The following OTUD7A variants were observed in gnomAD, a reference collection of about 807,000 sequenced individuals.
OTUD7A encodes OTU domain-containing protein 7A.
In OTUD7A, 12 loss-of-function variants were observed where a neutral mutation model predicts 65.7. The ratio of observed to expected loss-of-function variants is 0.18; its 90% CI spans 0.12 to 0.30. The LOEUF (loss-of-function observed/expected upper bound fraction) is 0.30. Ranked by LOEUF, OTUD7A falls within the 10% of genes least tolerant of loss-of-function variation. The pLI is 1.00. For synonymous variants in OTUD7A, 641 were observed against 586.3 expected, an observed-to-expected ratio of 1.09 and a Z score of -1.35; for missense variants, 1,148 against 1,304.8, an observed-to-expected ratio of 0.88 and a Z score of 1.85.
At chr15:31,738,531 G>C (rs1259325848) in intron 1 of OTUD7A, among the ~76,000 whole-genome samples, 2 of 152,162 alleles carry the variant, frequency 1.3e-5, no homozygotes, top group Non-Finnish European at 2.9e-5. Context: ...TTCTGATAGA[G>C]CATGACAGTG....
At chr15:31,730,908 T>C (rs2141360813) in intron 1 of OTUD7A, among the ~76,000 whole-genome samples, 1 of 152,328 alleles carries the variant, frequency 6.6e-6, no homozygotes, top group Non-Finnish European at 1.5e-5. Context: ...ACTGCATGCT[T>C]TCTCCCTGGA....
chr15:31,659,076 TAAATA>T lies in OTUD7A; in HGVS notation c.-99-2004_-99-2000del, dbSNP rs137879176. ...ATAAATAAATAAATAAATAAATAAA[TAAATA>T]AAATAAAATTAAAACTTCTGTTTCA... On this transcript the variant is annotated intron_variant, in intron 1 of 12. Coordinates refer to ENST00000307050, the MANE Select transcript of OTUD7A (RefSeq NM_001382637.1). 3.0e-4 allele frequency among the ~76,000 whole-genome samples: 39 copies of T among 131,860 alleles called. 1 individual carries two copies. Among genetic ancestry groups the T allele is most frequent in the African/African-American group, 3.2e-4 (11 of 34,620 alleles). 86.5% of individuals were successfully genotyped at this position (131,860 alleles called of 152,430 possible). A position where few individuals can be genotyped will look rare whatever the true frequency, so the allele number is the denominator to read the frequency against.
intron 3 of OTUD7A, among the ~76,000 whole-genome samples, chr15:31,604,586 A>G (rs887316903): frequency 3.3e-5 from 5 of 152,234 alleles, no homozygotes; most frequent in African/African-American, 1.2e-4. Flanking sequence ...CATGTACCCC[A>G]GAGCTTAAAG....
intron 3 of OTUD7A, among the ~76,000 whole-genome samples, chr15:31,653,255 CAAA>C (rs113670546): frequency 1.6e-5 from 2 of 122,870 alleles, no homozygotes; most frequent in Admixed American, 1.6e-4. Context: ...TCTGTGTCAC[CAAA>C]AAAAAAAAAG....
At chr15:31,848,276 T>A (rs144770065) in intron 1 of OTUD7A, among the ~76,000 whole-genome samples, 4 of 151,982 alleles carry the variant, frequency 2.6e-5, no homozygotes, top group Non-Finnish European at 5.9e-5. Flanking sequence ...AAGGCCCTGC[T>A]GGGCACGCAG....
At chr15:31,852,624 C>T (rs571168838) in intron 1 of OTUD7A, among the ~76,000 whole-genome samples, 10 of 152,314 alleles carry the variant, frequency 6.6e-5, no homozygotes, top group African/African-American at 7.2e-5. Flanking sequence ...CAGACATTTA[C>T]GAAGACAGCT....
intron 3 of OTUD7A, among the ~76,000 whole-genome samples, chr15:31,619,978 G>C (rs1203019655): frequency 2.6e-5 from 4 of 152,154 alleles, no homozygotes; most frequent in South Asian, 2.1e-4. Flanking sequence ...TAGCATCAAG[G>C]GTTGTTGAAT....
intron 1 of OTUD7A, among the ~76,000 whole-genome samples, chr15:31,834,263 G>T (rs1382609030): frequency 6.6e-6 from 1 of 152,148 alleles, no homozygotes; most frequent in African/African-American, 2.4e-5. Flanking sequence ...TCTGCCAACT[G>T]CCTGGAACAG....
intron 1 of OTUD7A, among the ~76,000 whole-genome samples, chr15:31,701,852 T>C (rs1384670284): frequency 1.3e-5 from 2 of 151,984 alleles, no homozygotes; most frequent in Non-Finnish European, 2.9e-5. Context: ...TGTAAACAAA[T>C]AAAACTATAG....
chr15:31,527,162 C>T lies in OTUD7A; in HGVS notation c.780+19G>A. On this transcript the variant is annotated intron_variant, in intron 7 of 12. Coordinates refer to ENST00000307050, the MANE Select transcript of OTUD7A (RefSeq NM_001382637.1). Reference sequence around the variant, plus strand: ...TCTGGCCTGGGTCCCGGGCTCTGGCCATGCCAGTGGATACCAACCTCCTTA... The same window carrying T: ...TCTGGCCTGGGTCCCGGGCTCTGGCTATGCCAGTGGATACCAACCTCCTTA... The T allele has an allele frequency of 6.2e-7, 1 of 1,613,828 alleles. No individual in the cohort carries two copies. The highest frequency in any genetic ancestry group is 8.5e-7 in the Non-Finnish European group (1 of 1,179,876).
intron 3 of OTUD7A, among the ~76,000 whole-genome samples, chr15:31,646,406 TTCTCTCTC>T (rs754891007): frequency 1.3e-5 from 2 of 151,728 alleles, no homozygotes; most frequent in Admixed American, 6.6e-5. Context: ...CTTTCTCTCT[TTCTCTCTC>T]TCTCTTCCTT....
At chr15:31,773,099 A>G (rs1333934031) in intron 1 of OTUD7A, among the ~76,000 whole-genome samples, 1 of 152,260 alleles carries the variant, frequency 6.6e-6, no homozygotes, top group Non-Finnish European at 1.5e-5. Context: ...TAAATTCTAT[A>G]AACATTTAAT....
chr15:31,713,475 C>T (rs564610272), intron 1 of OTUD7A, among the ~76,000 whole-genome samples: 136 of 152,124 alleles, frequency 8.9e-4, no homozygotes, highest in African/African-American at 3.2e-3. Flanking sequence ...AAAAATTAGC[C>T]GAGTGTGGTG....
At chr15:31,857,321 C>A (rs2141011569) in intron 1 of OTUD7A, among the ~76,000 whole-genome samples, 1 of 152,310 alleles carries the variant, frequency 6.6e-6, no homozygotes, top group East Asian at 1.9e-4. Context: ...GAGCTGGTAG[C>A]TGAACTGCCT....
Position 31,484,076 on chromosome 15 carries a change from C to T in OTUD7A, c.2020G>A (p.Ala674Thr), listed in dbSNP as rs1309256889. Residue 674 changes from alanine (A) to threonine (T), a missense_variant, in exon 13 of 13, where the codon GCC (alanine) becomes ACC (threonine). Physicochemically the swap from Ala to Thr is moderately conservative, Grantham distance 58. Transcript: ENST00000307050. This position sits in a 1 kb window ranked among gnomAD's most constrained non-coding sequence, Gnocchi z 4.5. ...TCGCGGCGCCGCTGCTCCTGCTCGG[C>T]GCTGAAGCGCTCCTGCGCGCTCGTC... ...YLTSAQERFS[A>T]EQEQRRRDAA... The T allele has an allele frequency of 6.3e-7, 1 of 1,590,618 alleles. No individual in the cohort carries two copies. Among genetic ancestry groups the T allele is most frequent in the Non-Finnish European group, 8.5e-7 (1 of 1,175,272 alleles).
chr15:31,538,298 A>G (rs560160203), intron 5 of OTUD7A, among the ~76,000 whole-genome samples: 144 of 152,332 alleles, frequency 9.5e-4, no homozygotes, highest in African/African-American at 3.2e-3. Context: ...TGGGTCCTCC[A>G]TAACACTGTG....
intron 1 of OTUD7A, among the ~76,000 whole-genome samples, chr15:31,794,958 T>C (rs1016990824): frequency 6.6e-6 from 1 of 152,380 alleles, no homozygotes; most frequent in Admixed American, 6.5e-5. Flanking sequence ...AGTTTAGTCA[T>C]TGGTCTGATT....
intron 1 of OTUD7A, among the ~76,000 whole-genome samples, chr15:31,759,950 T>TAGGC (rs1894917972): frequency 6.6e-6 from 1 of 152,352 alleles, no homozygotes; most frequent in Admixed American, 6.5e-5. Flanking sequence ...CTCTGATGAC[T>TAGGC]AGGCTGTCTT....
chr15:31,744,729 G>T (rs994200118), intron 1 of OTUD7A, among the ~76,000 whole-genome samples: 3 of 151,976 alleles, frequency 2.0e-5, no homozygotes, highest in Admixed American at 6.5e-5. Context: ...AGGTTAAAAA[G>T]GAAAAATGAA....
Sources: gnomAD v4.1 joint callset for allele counts (sites outside exome capture counted in the v4.1 genomes callset) on GRCh38, gnomAD v4.1.1 for gene constraint, Gnocchi (gnomAD v3.1) non-coding constraint, MANE v1.5 for transcripts, NCBI Gene and HGNC (gene_info 2026-07-23, HGNC 2026-07-21) for gene names.